Variants in LRRC27 observed in about 807,000 individuals in gnomAD.
LRRC27 encodes the protein leucine-rich repeat-containing protein 27.
Under a neutral mutation model 55.0 loss-of-function variants are expected in LRRC27, and 57 were observed. The ratio of observed to expected loss-of-function variants is 1.04; its 90% confidence interval spans 0.84 to 1.29. The LOEUF (loss-of-function observed/expected upper bound fraction) is 1.29. Ranked by LOEUF, LRRC27 falls within the 50% of genes most tolerant of loss-of-function variation. The pLI is 0.00. For synonymous variants in LRRC27, 278 were observed against 251.9 expected (o/e 1.10, Z -0.98); for missense variants, 721 against 651.5 (o/e 1.11, Z -1.16).
At chr10:132,355,986 G>T (rs1362324217) in intron 8 of LRRC27, 100 bp downstream of exon 8, 1 of 765,794 alleles carries the variant, frequency 1.3e-6, no homozygotes, top group Non-Finnish European at 2.2e-6. Context: ...CGAGACCTGG[G>T]GGTGTGGGTG....
intron 8 of LRRC27, 121 bp downstream of exon 8, chr10:132,356,007 C>T (rs116994031): frequency 9.3e-6 from 6 of 645,568 alleles, no homozygotes; most frequent in Admixed American, 6.7e-5. Context: ...GGTGCTCACA[C>T]GCATCCCTGT....
At position 132,348,497 on chromosome 10, in the gene LRRC27, C is replaced by A; in HGVS notation, c.926+141C>A. The A allele has an allele frequency of 8.4e-7, 1 of 1,196,824 alleles. No individual in the cohort carries two copies. 74.1% of individuals were successfully genotyped at this position (1,196,824 alleles called of 1,614,324 possible). A position where few individuals can be genotyped will look rare whatever the true frequency, so the allele number is the denominator to read the frequency against. On this transcript the variant is annotated intron_variant, in intron 6 of 10. Transcript: ENST00000368614. This position sits in a 1 kb window ranked among gnomAD's most constrained non-coding sequence, Gnocchi z 4.2. ...GTTTACTGTGCAGTGAGTGCCGGTC[C>A]CAGGTTTAGGGTAACGGGGACCCGC...
intron 7 of LRRC27, among the ~76,000 whole-genome samples, chr10:132,353,863 T>C (rs1179777837): frequency 6.6e-6 from 1 of 152,168 alleles, no homozygotes; most frequent in Non-Finnish European, 1.5e-5. Flanking sequence ...CCAGCTGCCC[T>C]CCCCTCACTG....
chr10:132,339,460 C>T (rs896265629), intron 3 of LRRC27, among the ~76,000 whole-genome samples: 2 of 152,194 alleles, frequency 1.3e-5, no homozygotes, highest in Admixed American at 6.5e-5. Context: ...CCATGGGGCT[C>T]CTAGGGACTC....
At chr10:132,369,355 G>A (rs570993034) in intron 10 of LRRC27, among the ~76,000 whole-genome samples, 1 of 152,318 alleles carries the variant, frequency 6.6e-6, no homozygotes, top group African/African-American at 2.4e-5. Context: ...CCAAAACTTG[G>A]AAGCACCCAA....
At chr10:132,336,828 T>C (rs1458426291) in intron 2 of LRRC27, 3 of 759,324 alleles carry the variant, frequency 4.0e-6, no homozygotes, top group African/African-American at 3.5e-5. Flanking sequence ...CATATAATAA[T>C]GTGAGTATAA....
At chr10:132,358,567 G>A (rs1161199102) in intron 8 of LRRC27, among the ~76,000 whole-genome samples, 2 of 115,760 alleles carry the variant, frequency 1.7e-5, no homozygotes, top group Non-Finnish European at 3.7e-5. Context: ...GTGGAGCAGT[G>A]TGGGGAGGAG....
chr10:132,359,125 G>GAGC (rs774702745), intron 8 of LRRC27, among the ~76,000 whole-genome samples: 7 of 78,338 alleles, frequency 8.9e-5, no homozygotes, highest in African/African-American at 2.1e-4. Flanking sequence ...CGAGGTGGTG[G>GAGC]AGCGTGGGAA....
At position 132,376,764 on chromosome 10, in the gene LRRC27, T is replaced by C. The variant is rs560772065; in HGVS notation, c.*1522T>C. 1.3e-5 allele frequency: 2 copies of C among 152,384 alleles called. No individual in the cohort carries two copies. Among genetic ancestry groups the C allele is most frequent in the East Asian group, 3.9e-4 (2 of 5,188 alleles). The allele number at this position is 152,384 out of a possible 1,614,324, so 9.4% of individuals were successfully genotyped here. A position where few individuals can be genotyped will look rare whatever the true frequency, so the allele number is the denominator to read the frequency against. ...AATGTATTTTGAGTTGTTGGGTACA[T>C]TGTTTTGTGTGTGTCAGGTGACATT... On this transcript the variant is annotated 3_prime_UTR_variant, in exon 11 of 11. Coordinates refer to ENST00000368614, the MANE Select transcript of LRRC27 (RefSeq NM_030626.3).
In LRRC27 at chr10:132,348,322, G is replaced by C; in HGVS notation, c.892G>C (p.Glu298Gln). The C allele has an allele frequency of 6.2e-7, 1 of 1,613,648 alleles. No individual in the cohort carries two copies. The highest frequency in any genetic ancestry group is 8.5e-7 in the Non-Finnish European group (1 of 1,179,740). ...AAATCTCAAGGCGGCCTTGAACATTGAGAAAGAACTACCAAAGCCAAGACA... is the reference window on the plus strand; with the variant it reads ...AAATCTCAAGGCGGCCTTGAACATTCAGAAAGAACTACCAAAGCCAAGACA... ...PPNLKAALNI[E>Q]KELPKPRHVF... is the part of the protein sequence containing the mutation. Residue 298 changes from glutamate to glutamine, a missense_variant, in exon 6 of 11, where the codon GAG becomes CAG. Coordinates refer to ENST00000368614, the MANE Select transcript of LRRC27 (RefSeq NM_030626.3). This position sits in a 1 kb window ranked among gnomAD's most constrained non-coding sequence, Gnocchi z 4.2.
At chr10:132,370,510 T>C (rs1365684737) in intron 10 of LRRC27, among the ~76,000 whole-genome samples, 1 of 152,196 alleles carries the variant, frequency 6.6e-6, no homozygotes, top group African/African-American at 2.4e-5. Flanking sequence ...CAGCTGATCC[T>C]GCCCTAGAGG....
At chr10:132,333,314 C>CT (rs10690076) in intron 1 of LRRC27, among the ~76,000 whole-genome samples, 163 bp from the exon 2 acceptor site, 19,106 of 149,146 alleles carry the variant, frequency 0.13, 1,342 homozygotes, top group East Asian at 0.35. Flanking sequence ...CTTTGTATTC[C>CT]TTTTTTTTTT....
chr10:132,379,694 T>C lies in LRRC27; in HGVS notation c.*4452T>C, dbSNP rs1365147457. 6.6e-6 allele frequency: 1 copy of C among 152,192 alleles called. No individual in the cohort carries two copies. The allele number at this position is 152,192 out of a possible 1,614,324, so 9.4% of individuals were successfully genotyped here. A position where few individuals can be genotyped will look rare whatever the true frequency, so the allele number is the denominator to read the frequency against. On this transcript the variant is annotated 3_prime_UTR_variant, in exon 11 of 11. Coordinates refer to ENST00000368614, the MANE Select transcript of LRRC27 (RefSeq NM_030626.3). The stretch of plus-strand genomic sequence containing the variant: ...CTGTTGAAATTCTCCATCTTTTCAT[T>C]TCCTTTATATCTCTTTTCTTCTTTT...
chr10:132,361,712 G>A (rs543806636), intron 9 of LRRC27, 137 bp downstream of exon 9: 3 of 669,532 alleles, frequency 4.5e-6, no homozygotes, highest in South Asian at 3.4e-5. Context: ...GCTGTGGCGG[G>A]CTCCAGGCTG....
intron 2 of LRRC27, among the ~76,000 whole-genome samples, chr10:132,334,027 G>A (rs553206272): frequency 2.6e-5 from 4 of 152,122 alleles, no homozygotes; most frequent in Non-Finnish European, 1.5e-5. Context: ...AAACACGCTT[G>A]GTCTCTTAAT....
chr10:132,345,577 G>A (rs1205825458), intron 5 of LRRC27, among the ~76,000 whole-genome samples: 7 of 152,238 alleles, frequency 4.6e-5, no homozygotes, highest in East Asian at 1.9e-4. Flanking sequence ...CCTTGACCCC[G>A]ATGCTGCCAG....
Position 132,333,499 on chromosome 10 carries a change from G to A in LRRC27, c.-26G>A. ...CAGGTGACTCCAGACCAAGGAGGAT[G>A]AGCTGCTGTCCCTGGAAGAGAACGG... On this transcript the variant is annotated 5_prime_UTR_variant, in exon 2 of 11. An upstream start codon of the reference 5' UTR is lost. Transcript: ENST00000368614. The A allele has an allele frequency of 6.4e-7, 1 of 1,552,006 alleles. No individual in the cohort carries two copies. The highest frequency in any genetic ancestry group is 8.7e-7 in the Non-Finnish European group (1 of 1,146,174).
chr10:132,363,284 G>A (rs1479376143), intron 9 of LRRC27, among the ~76,000 whole-genome samples: 7 of 151,648 alleles, frequency 4.6e-5, no homozygotes, highest in Admixed American at 6.6e-5. Flanking sequence ...TCGGGGGTCC[G>A]GGGTTCACCC....
intron 8 of LRRC27, among the ~76,000 whole-genome samples, chr10:132,356,676 C>G (rs1415513021): frequency 1.3e-5 from 2 of 152,276 alleles, no homozygotes; most frequent in Non-Finnish European, 2.9e-5. Flanking sequence ...GTACAGTCCT[C>G]TCTTCCCATT....
Sources: gnomAD v4.1 joint callset for allele counts (sites outside exome capture counted in the v4.1 genomes callset) on GRCh38, gnomAD v4.1.1 for gene constraint, Gnocchi (gnomAD v3.1) non-coding constraint, MANE v1.5 for transcripts, NCBI Gene and HGNC (gene_info 2026-07-23, HGNC 2026-07-21) for gene names.